The following GALNT17 variants were observed in gnomAD, a reference collection of about 807,000 sequenced individuals.
The protein encoded by GALNT17 is UDP-GalNAc:polypeptide N-acetylgalactosaminyltransferase-like 3.
GALNT17 carries 29 observed loss-of-function variants against 63.7 expected under a neutral mutation model. The ratio of observed to expected loss-of-function variants is 0.46; its 90% CI spans 0.34 to 0.62. The LOEUF (loss-of-function observed/expected upper bound fraction) is 0.62. Ranked by LOEUF, GALNT17 falls within the 20% of genes least tolerant of loss-of-function variation. The pLI is 0.01. For missense variants in GALNT17, 603 were observed against 799.6 expected (o/e 0.75, Z 2.97); for synonymous variants, 305 against 318.3 (o/e 0.96, Z 0.45).
intron 2 of GALNT17, among the ~76,000 whole-genome samples, chr7:71,381,452 G>T (rs975328724): frequency 6.6e-6 from 1 of 152,054 alleles, no homozygotes; most frequent in Non-Finnish European, 1.5e-5. Flanking sequence ...GAAGGGTAAT[G>T]AAATCCAGGG....
chr7:71,310,074 G>A (rs1583850928), intron 1 of GALNT17, among the ~76,000 whole-genome samples: 1 of 152,160 alleles, frequency 6.6e-6, no homozygotes, highest in African/African-American at 2.4e-5. Context: ...TGTGTAAGAC[G>A]TGACTTGCTC....
chr7:71,578,323 A>G (rs1789572589), intron 6 of GALNT17, among the ~76,000 whole-genome samples: 4 of 152,078 alleles, frequency 2.6e-5, no homozygotes, highest in African/African-American at 7.2e-5. Flanking sequence ...GGCATGAGCC[A>G]TCACACCCGG....
At chr7:71,654,965 T>A (rs1297113155) in intron 6 of GALNT17, among the ~76,000 whole-genome samples, 6 of 152,130 alleles carry the variant, frequency 3.9e-5, no homozygotes, top group Non-Finnish European at 7.3e-5. Context: ...GTTTTTTGTA[T>A]TTTTAGTAGA....
chr7:71,335,833 G>T, intron 2 of GALNT17, 100 bp downstream of exon 2: 1 of 1,097,380 alleles, frequency 9.1e-7, no homozygotes, highest in South Asian at 3.0e-5. Flanking sequence ...GTAACTCTTG[G>T]GGGAGTTTTT....
intron 1 of GALNT17, among the ~76,000 whole-genome samples, chr7:71,226,901 C>T (rs986209358): frequency 5.3e-5 from 8 of 152,080 alleles, no homozygotes; most frequent in Non-Finnish European, 1.0e-4. Flanking sequence ...ATTTGCTTTG[C>T]CCTGCCCCCT....
intron 6 of GALNT17, among the ~76,000 whole-genome samples, chr7:71,588,709 A>C (rs1774219942): frequency 1.3e-5 from 2 of 152,188 alleles, no homozygotes; most frequent in South Asian, 4.1e-4. Context: ...CTCCCAGAGA[A>C]GCTGCCAATC....
chr7:71,146,267 C>A (rs1308160082), intron 1 of GALNT17, among the ~76,000 whole-genome samples: 1 of 152,158 alleles, frequency 6.6e-6, no homozygotes, highest in Non-Finnish European at 1.5e-5. Flanking sequence ...ATTGTCACAG[C>A]TGTGACTGCT....
At chr7:71,422,253 C>T (rs558923533) in intron 5 of GALNT17, among the ~76,000 whole-genome samples, 1 of 152,184 alleles carries the variant, frequency 6.6e-6, no homozygotes, top group South Asian at 2.1e-4. Context: ...ATGGCTATGT[C>T]GCATCTCCCT....
At chr7:71,453,503 A>T (rs1057261302) in intron 5 of GALNT17, among the ~76,000 whole-genome samples, 5 of 152,160 alleles carry the variant, frequency 3.3e-5, no homozygotes, top group African/African-American at 4.8e-5. Context: ...ATCAGATCTC[A>T]TGAGACTTAT....
intron 2 of GALNT17, among the ~76,000 whole-genome samples, chr7:71,358,836 C>T (rs1388591052): frequency 6.6e-6 from 1 of 151,714 alleles, no homozygotes; most frequent in Non-Finnish European, 1.5e-5. Flanking sequence ...TGCAGTGGCA[C>T]AATCTTGGCT....
chr7:71,293,933 G>A (rs1050660071), intron 1 of GALNT17, among the ~76,000 whole-genome samples: 1 of 152,148 alleles, frequency 6.6e-6, no homozygotes, highest in Non-Finnish European at 1.5e-5. Context: ...GCCAAGATGG[G>A]TGGGTCACGA....
intron 1 of GALNT17, among the ~76,000 whole-genome samples, chr7:71,171,469 C>G (rs116968570): frequency 0.035 from 5,289 of 152,264 alleles, 128 homozygotes; most frequent in African/African-American, 0.063. Context: ...CCACTGCACT[C>G]TAGCCTGGGC....
At chr7:71,306,045 T>C (rs980830101) in intron 1 of GALNT17, among the ~76,000 whole-genome samples, 5 of 152,042 alleles carry the variant, frequency 3.3e-5, no homozygotes, top group Admixed American at 2.0e-4. Context: ...ATGGCTAAAC[T>C]CCATCTTTAC....
At position 71,341,203 on chromosome 7, in the gene GALNT17, C is replaced by T. The variant is rs185556752; in HGVS notation, c.422+5470C>T. On this transcript the variant is annotated intron_variant, in intron 2 of 10. Transcript: ENST00000333538. ...TATCTCTTATAAAACAAAAATTAAA[C>T]GGAGATAAGTAATTTAATAAAGAGT... 7.1e-4 allele frequency among the ~76,000 whole-genome samples: 108 copies of T among 151,800 alleles called. 1 individual carries two copies. The highest frequency in any genetic ancestry group is 2.3e-3 in the African/African-American group (96 of 41,348).
intron 5 of GALNT17, among the ~76,000 whole-genome samples, chr7:71,478,785 A>G (rs182523089): frequency 7.9e-5 from 12 of 152,324 alleles, no homozygotes; most frequent in Non-Finnish European, 1.8e-4. Context: ...GTATCATGCA[A>G]AACCCATCCT....
intron 1 of GALNT17, among the ~76,000 whole-genome samples, chr7:71,152,722 T>G (rs1788157108): frequency 6.6e-6 from 1 of 152,128 alleles, no homozygotes; most frequent in Admixed American, 6.6e-5. Flanking sequence ...AACCTCTGCC[T>G]CCCAGGTTCA....
intron 2 of GALNT17, 111 bp from the exon 3 acceptor site, chr7:71,388,124 C>A: frequency 8.5e-7 from 1 of 1,179,870 alleles, no homozygotes; most frequent in Non-Finnish European, 1.2e-6. Context: ...GTGATTCACG[C>A]CTTGGGACGA....
intron 5 of GALNT17, among the ~76,000 whole-genome samples, chr7:71,491,782 G>A (rs1482369532): frequency 6.6e-6 from 1 of 152,180 alleles, no homozygotes; most frequent in Non-Finnish European, 1.5e-5. Flanking sequence ...AGTACCAGGT[G>A]GTGCTGATGC....
At chr7:71,247,368 G>A (rs1790117768) in intron 1 of GALNT17, among the ~76,000 whole-genome samples, 2 of 152,152 alleles carry the variant, frequency 1.3e-5, no homozygotes, top group African/African-American at 2.4e-5. Flanking sequence ...TCTCTTGAAC[G>A]ATGCAGGGGT....
Sources: gnomAD v4.1 joint callset for allele counts (sites outside exome capture counted in the v4.1 genomes callset) on GRCh38, gnomAD v4.1.1 for gene constraint, MANE v1.5 for transcripts, NCBI Gene and HGNC (gene_info 2026-07-23, HGNC 2026-07-21) for gene names.